Variants in TYW1B observed in about 807,000 individuals in gnomAD.
TYW1B encodes the protein S-adenosyl-L-methionine-dependent tRNA 4-demethylwyosine synthase TYW1B.
A neutral mutation model predicts 86.9 loss-of-function variants in TYW1B; 73 were observed. The ratio of observed to expected loss-of-function variants is 0.84; its 90% confidence interval spans 0.70 to 1.02. TYW1B has a LOEUF of 1.02. Among genes scored for constraint, TYW1B ranks in the 50% least tolerant of loss-of-function variants. The pLI is 0.00. For missense variants in TYW1B, 637 were observed against 827.4 expected (o/e 0.77, Z 2.82); for synonymous variants, 248 against 292.8 (o/e 0.85, Z 1.56).
intron 10 of TYW1B, among the ~76,000 whole-genome samples, chr7:72,700,232 T>C (rs1239072828): frequency 8.5e-6 from 1 of 117,918 alleles, no homozygotes; most frequent in African/African-American, 3.3e-5. Context: ...TGGAGTGCAA[T>C]GGCACAATCT....
intron 11 of TYW1B, among the ~76,000 whole-genome samples, chr7:72,653,177 A>G (rs192194659): frequency 1.6e-3 from 251 of 152,352 alleles, no homozygotes; most frequent in African/African-American, 5.7e-3. Context: ...AGAAATCAAT[A>G]AAATAGGTAA....
intron 11 of TYW1B, among the ~76,000 whole-genome samples, chr7:72,688,557 C>A (rs144693816): frequency 6.0e-4 from 92 of 152,242 alleles, no homozygotes; most frequent in African/African-American, 2.2e-3. Flanking sequence ...CAAATTCTTC[C>A]CAGACTCACT....
At chr7:72,590,160 G>T (rs1299794268) in intron 13 of TYW1B, among the ~76,000 whole-genome samples, 1 of 152,188 alleles carries the variant, frequency 6.6e-6, no homozygotes, top group Non-Finnish European at 1.5e-5. Flanking sequence ...TTGAAGGCTT[G>T]TAACATTCAG....
chr7:72,774,000 G>GGAT (rs1326856237), intron 7 of TYW1B, among the ~76,000 whole-genome samples: 11 of 150,492 alleles, frequency 7.3e-5, no homozygotes, highest in East Asian at 2.0e-4. Flanking sequence ...AGGAGGAGGA[G>GGAT]GTGGTGAGCC....
intron 2 of TYW1B, among the ~76,000 whole-genome samples, chr7:72,822,543 T>G (rs1788849161): frequency 6.6e-6 from 1 of 152,206 alleles, no homozygotes; most frequent in Non-Finnish European, 1.5e-5. Context: ...TCATTAGCAA[T>G]ACTAACATGC....
chr7:72,697,253 G>A (rs3015934), intron 10 of TYW1B, among the ~76,000 whole-genome samples: 2 of 151,844 alleles, frequency 1.3e-5, no homozygotes, highest in Non-Finnish European at 2.9e-5. Context: ...AAATAGGAAG[G>A]CCTGGACACT....
At chr7:72,750,900 ATTT>A (rs1320493720) in intron 7 of TYW1B, among the ~76,000 whole-genome samples, 6 of 152,190 alleles carry the variant, frequency 3.9e-5, no homozygotes, top group Non-Finnish European at 7.3e-5. Context: ...TGCTCAAAAC[ATTT>A]TTAATTTTGA....
chr7:72,826,896 T>C lies in TYW1B; in HGVS notation c.94A>G (p.Ile32Val). 2 of 1,613,924 alleles carry C rather than the reference T, an allele frequency of 1.2e-6. No homozygotes were observed. The highest frequency in any genetic ancestry group is 1.1e-5 in the South Asian group (1 of 91,028). Residue 32 changes from isoleucine to valine, a missense_variant, in exon 2 of 14, where the codon ATT becomes GTT. Transcript: ENST00000620995. The stretch of plus-strand genomic sequence containing the variant: ...ATCTGGACACAAATCCAAAGGCTAA[T>C]GCTAACAGCAAAGCCCAGATAAATG... ...FYIYLGFAVS[I>V]SLWICVQIVI...
chr7:72,811,714 C>A (rs7799276), intron 3 of TYW1B, among the ~76,000 whole-genome samples: 1 of 151,010 alleles, frequency 6.6e-6, no homozygotes, highest in Non-Finnish European at 1.5e-5. Context: ...GAGTTCAAGA[C>A]CAGCCTAAGC....
intron 7 of TYW1B, among the ~76,000 whole-genome samples, chr7:72,753,574 G>A (rs1375943518): frequency 1.3e-5 from 2 of 148,886 alleles, no homozygotes; most frequent in African/African-American, 2.5e-5. Flanking sequence ...TCTGCCACCC[G>A]GGTTCAAGTG....
chr7:72,714,343 G>A (rs1197763617), intron 9 of TYW1B, among the ~76,000 whole-genome samples: 1 of 152,068 alleles, frequency 6.6e-6, no homozygotes, highest in Non-Finnish European at 1.5e-5. Context: ...CAGGCCAGGC[G>A]CAGTAGCTCA....
chr7:72,604,358 A>G (rs1426049405), intron 13 of TYW1B, among the ~76,000 whole-genome samples: 2 of 152,070 alleles, frequency 1.3e-5, no homozygotes, highest in Non-Finnish European at 2.9e-5. Flanking sequence ...GCTACTCAGG[A>G]AGCTGAGGCA....
At chr7:72,692,148 G>A (rs1382018894) in intron 11 of TYW1B, among the ~76,000 whole-genome samples, 2 of 130,238 alleles carry the variant, frequency 1.5e-5, no homozygotes, top group Non-Finnish European at 3.1e-5. Flanking sequence ...AGATGTTGCA[G>A]TGAGCCAAGA....
At chr7:72,734,112 GC>G (rs1199368728) in intron 8 of TYW1B, among the ~76,000 whole-genome samples, 3 of 151,882 alleles carry the variant, frequency 2.0e-5, no homozygotes, top group Non-Finnish European at 4.4e-5. Flanking sequence ...CAAAAAATTG[GC>G]CAGGAGTGGT....
chr7:72,714,286 C>T (rs1385130833), intron 9 of TYW1B, among the ~76,000 whole-genome samples: 13 of 152,040 alleles, frequency 8.6e-5, no homozygotes, highest in African/African-American at 2.9e-4. Context: ...CTTCATAATT[C>T]ATACTTCATA....
At position 72,712,154 on chromosome 7, in the gene TYW1B, A is replaced by G. The variant is rs533306559; in HGVS notation, c.1370+1467T>C. 7.1e-3 allele frequency among the ~76,000 whole-genome samples: 1,076 copies of G among 152,026 alleles called. 18 individuals carry two copies. Among genetic ancestry groups the G allele is most frequent in the African/African-American group, 0.025 (1,048 of 41,484 alleles). Reference sequence around the variant, plus strand: ...CCCTTAAGTCATCCAACCCAACCTCATCATCCTACCACCTAAACCTGACCC... The same window carrying G: ...CCCTTAAGTCATCCAACCCAACCTCGTCATCCTACCACCTAAACCTGACCC... On this transcript the variant is annotated intron_variant, in intron 10 of 13. Transcript: ENST00000620995.
At chr7:72,781,118 A>G (rs1788042508) in intron 6 of TYW1B, among the ~76,000 whole-genome samples, 1 of 152,086 alleles carries the variant, frequency 6.6e-6, no homozygotes, top group African/African-American at 2.4e-5. Context: ...GCAGTAAACT[A>G]GTAAGTTGTA....
chr7:72,644,964 A>T (rs1341683266), intron 11 of TYW1B, among the ~76,000 whole-genome samples: 1 of 151,574 alleles, frequency 6.6e-6, no homozygotes, highest in Admixed American at 6.6e-5. Flanking sequence ...AGTAGCTGGG[A>T]CTACAGGCGT....
chr7:72,677,765 G>C lies in TYW1B; in HGVS notation c.1506+16922C>G, dbSNP rs542906728. ...TCACCAGGCTGGAGTGCAGTAGCGT[G>C]ATCTTGGCTCACTGCAACCTCCATC... On this transcript the variant is annotated intron_variant, in intron 11 of 13. Coordinates refer to ENST00000620995, the MANE Select transcript of TYW1B (RefSeq NM_001145440.3). 3.3e-5 allele frequency among the ~76,000 whole-genome samples: 5 copies of C among 152,146 alleles called. No homozygotes were observed. The South Asian group carries it at 1.0e-3, about 32-fold the overall frequency.
Sources: gnomAD v4.1 joint callset for allele counts (sites outside exome capture counted in the v4.1 genomes callset) on GRCh38, gnomAD v4.1.1 for gene constraint, MANE v1.5 for transcripts, NCBI Gene and HGNC (gene_info 2026-07-23, HGNC 2026-07-21) for gene names.